The following COL4A5 variants were observed in gnomAD, a reference collection of about 807,000 sequenced individuals.
COL4A5 encodes collagen alpha-5(IV) chain.
COL4A5 carries 26 observed loss-of-function variants against 130.2 expected under a neutral mutation model. That is an observed-to-expected ratio of 0.20 (90% confidence interval 0.15 to 0.28). The LOEUF is 0.28. COL4A5 is among the 10% of genes least tolerant of loss of function. The probability of loss-of-function intolerance (pLI) is 1.00; values close to 1 mark genes in which losing one functional copy is unlikely to be tolerated. For missense variants in COL4A5, 1,131 were observed against 1,344.3 expected, an observed-to-expected ratio of 0.84 and a Z score of 2.48; for synonymous variants, 496 against 439.6, an observed-to-expected ratio of 1.13 and a Z score of -1.60.
At chrX:108,601,331 A>G in intron 25 of COL4A5, 62 bp from the exon 26 acceptor site, 1 of 779,739 alleles carries the variant, frequency 1.3e-6, no homozygotes, top group South Asian at 2.3e-5. Context: ...GTTTTTAATT[A>G]AAAAGAGACC....
chrX:108,468,829 C>A (rs750938155), intron 1 of COL4A5, among the ~76,000 whole-genome samples: 3 of 107,640 alleles, frequency 2.8e-5, no homozygotes, highest in African/African-American at 1.0e-4. Context: ...ATTTTATTTT[C>A]TTTAGCATCT....
intron 1 of COL4A5, among the ~76,000 whole-genome samples, chrX:108,514,935 CT>C (rs1279128452): frequency 9.0e-6 from 1 of 111,513 alleles, no homozygotes; most frequent in East Asian, 2.8e-4. Flanking sequence ...ATTCTTTGAG[CT>C]TTTTTGACAC....
In COL4A5 at chrX:108,517,154, TATA is replaced by T. The variant is rs749329321; in HGVS notation, c.82-22585_82-22583del. Reference sequence around the variant, plus strand: ...ATAATTCCTTATGTGCCAGGTTAGATATAATAATATAACTTGAGAATGTATATT... The same window carrying T: ...ATAATTCCTTATGTGCCAGGTTAGATATAATATAACTTGAGAATGTATATT... On this transcript the variant is annotated intron_variant, in intron 1 of 52. Coordinates refer to ENST00000328300, the MANE Select transcript of COL4A5 (RefSeq NM_033380.3). 7.2e-5 allele frequency among the ~76,000 whole-genome samples: 8 copies of T among 111,845 alleles called. No individual in the cohort carries two copies. In the South Asian group the frequency reaches 2.5e-3, roughly 36 times the overall value.
At chrX:108,449,826 T>A (rs780863574) in intron 1 of COL4A5, among the ~76,000 whole-genome samples, 1 of 111,980 alleles carries the variant, frequency 8.9e-6, no homozygotes, top group South Asian at 3.8e-4. Flanking sequence ...GACATAATCA[T>A]CTCCCAAAGG....
chrX:108,645,908 A>G (rs187030396), intron 36 of COL4A5, among the ~76,000 whole-genome samples: 116 of 110,672 alleles, frequency 1.0e-3, no homozygotes, highest in African/African-American at 3.3e-3. Flanking sequence ...AAGGACATGA[A>G]CTCATCATTT....
intron 36 of COL4A5, among the ~76,000 whole-genome samples, chrX:108,646,550 A>C (rs757326847): frequency 2.7e-3 from 296 of 111,081 alleles, no homozygotes; most frequent in African/African-American, 9.4e-3. Context: ...CTCTGATAGT[A>C]GTTTCTTTTG....
At chrX:108,660,137 T>A (rs2067924311) in intron 37 of COL4A5, among the ~76,000 whole-genome samples, 2 of 112,143 alleles carry the variant, frequency 1.8e-5, no homozygotes, top group South Asian at 3.6e-4. Context: ...TAATGTAAGA[T>A]TCTTACAACA....
intron 44 of COL4A5, among the ~76,000 whole-genome samples, chrX:108,678,703 A>AT (rs929940412): frequency 9.0e-6 from 1 of 110,765 alleles, no homozygotes. Context: ...CTGTCTCTAA[A>AT]TTTTTTTTAA....
At chrX:108,545,706 G>A (rs1452583878) in intron 2 of COL4A5, among the ~76,000 whole-genome samples, 1 of 110,696 alleles carries the variant, frequency 9.0e-6, no homozygotes, top group Non-Finnish European at 1.9e-5. Context: ...TTGACAGTGG[G>A]GTGTTAAAGT....
In COL4A5 at chrX:108,620,341, T is replaced by C; in HGVS notation, c.2592T>C (p.Ser864=). Residue 864 remains serine (S), a synonymous_variant, in exon 31 of 53, where the codon AGT becomes AGC. Transcript: ENST00000328300. ...DVPGPPGERG[S]PGIPGAPGPI... is the part of the protein sequence containing the mutation. ...CAGGACCCCCAGGTGAAAGAGGCAG[T>C]CCAGGGATCCCCGGAGCACCTGGTC... 8.3e-7 allele frequency: 1 copy of C among 1,208,658 alleles called. No homozygotes were observed. Among genetic ancestry groups the C allele is most frequent in the Non-Finnish European group, 1.1e-6 (1 of 893,111 alleles).
chrX:108,550,003 T>C (rs1368186297), intron 2 of COL4A5, among the ~76,000 whole-genome samples: 2 of 111,436 alleles, frequency 1.8e-5, no homozygotes, highest in Non-Finnish European at 3.8e-5. Context: ...AAAATATAAA[T>C]TAGCCCTATA....
chrX:108,528,092 C>A, intron 1 of COL4A5, among the ~76,000 whole-genome samples: 1 of 111,952 alleles, frequency 8.9e-6, no homozygotes, highest in Non-Finnish European at 1.9e-5. Flanking sequence ...ACAGCCAACA[C>A]CAGTGCCAGT....
At chrX:108,695,152 G>A in intron 51 of COL4A5, 115 bp from the exon 52 acceptor site, 2 of 945,892 alleles carry the variant, frequency 2.1e-6, no homozygotes. Context: ...TCTTACCTCT[G>A]GGCCTGTTCC....
At chrX:108,687,345 C>T in intron 48 of COL4A5, 137 bp from the exon 49 acceptor site, 2 of 551,167 alleles carry the variant, frequency 3.6e-6, no homozygotes, top group South Asian at 2.8e-5. Context: ...CCCATGATAT[C>T]TGACAATGCC....
Position 108,473,633 on chromosome X carries a change from A to ATATTTTTTTTT in COL4A5, c.81+33428_81+33429insATTTTTTTTTT. Among the ~76,000 whole-genome samples, 134 of 34,549 alleles carry ATATTTTTTTTT rather than the reference A, an allele frequency of 3.9e-3. 5 individuals carry two copies. Among genetic ancestry groups the ATATTTTTTTTT allele is most frequent in the East Asian group, 0.036 (73 of 2,056 alleles). The allele number at this position is 34,549 out of a possible 115,157, so 30.0% of individuals were successfully genotyped here. On this transcript the variant is annotated intron_variant, in intron 1 of 52. Transcript: ENST00000328300. ...TATATGTATATATATATATATATAT[A>ATATTTTTTTTT]TTTTTTTTTTTTTGAGATGAAGTCT...
At chrX:108,537,265 C>T (rs994011282) in intron 1 of COL4A5, among the ~76,000 whole-genome samples, 4 of 110,796 alleles carry the variant, frequency 3.6e-5, no homozygotes, top group African/African-American at 1.3e-4. Context: ...TTTGTTTTAA[C>T]CTATGAGTAC....
At chrX:108,543,181 C>A (rs2065577740) in intron 2 of COL4A5, among the ~76,000 whole-genome samples, 2 of 110,232 alleles carry the variant, frequency 1.8e-5, no homozygotes, top group East Asian at 5.7e-4. Context: ...AAGTCCTTGC[C>A]CATGCCTATG....
intron 1 of COL4A5, among the ~76,000 whole-genome samples, chrX:108,472,110 G>A (rs1308098142): frequency 1.8e-5 from 2 of 111,039 alleles, no homozygotes; most frequent in East Asian, 5.6e-4. Flanking sequence ...GGTTGTTTAA[G>A]GGCTACATTA....
Position 108,501,762 on chromosome X carries a change from T to C in COL4A5, c.82-37984T>C, listed in dbSNP as rs57288028. On this transcript the variant is annotated intron_variant, in intron 1 of 52. Coordinates refer to ENST00000328300, the MANE Select transcript of COL4A5 (RefSeq NM_033380.3). ...TATATAATTTGTGGGGAACATTTCA[T>C]GTCTTAGTGCTTTTTGTAATGTGGG... Among the ~76,000 whole-genome samples, 805 of 112,313 alleles carry C rather than the reference T, an allele frequency of 7.2e-3. 8 individuals are homozygous for C. Among genetic ancestry groups the C allele is most frequent in the African/African-American group, 0.025 (764 of 30,952 alleles).
Sources: allele counts gnomAD v4.1 joint callset (sites outside exome capture counted in the v4.1 genomes callset), GRCh38; gene constraint gnomAD v4.1.1; transcripts MANE v1.5; gene names NCBI Gene and HGNC (gene_info 2026-07-23, HGNC 2026-07-21).